Variants in B3GALT5 observed in about 807,000 individuals in gnomAD.
B3GALT5 encodes beta-1,3-galactosyltransferase 5.
For missense variants in B3GALT5, 328 were observed against 396.6 expected (o/e 0.83, Z 1.47); for synonymous variants, 156 against 158.6 (o/e 0.98, Z 0.12).
At position 39,650,553 on chromosome 21, in the gene B3GALT5, C is replaced by T. The variant is rs532688982; in HGVS notation, c.-161+3931C>T. 3.3e-5 allele frequency among the ~76,000 whole-genome samples: 5 copies of T among 152,272 alleles called. No individual in the cohort carries two copies. In the South Asian group the frequency reaches 1.0e-3, roughly 32 times the overall value. ...AAAGGCTGAGAAAGAAACCATTCCT[C>T]CCTGGGTGGGGACGCTTGAAATTCC... On this transcript the variant is annotated intron_variant, in intron 2 of 3. Coordinates refer to ENST00000684187, the MANE Select transcript of B3GALT5 (RefSeq NM_001356336.2).
At chr21:39,618,118 G>A (rs1439329707) in intron 1 of B3GALT5, among the ~76,000 whole-genome samples, 1 of 152,130 alleles carries the variant, frequency 6.6e-6, no homozygotes, top group Non-Finnish European at 1.5e-5. Flanking sequence ...TCAATCCAAT[G>A]CACTCTAGCA....
rs369520543 is a variant in B3GALT5 at position 39,671,386 on chromosome 21, T to G, written c.*9894T>G. 1 of 152,256 alleles carries G rather than the reference T, an allele frequency of 6.6e-6. No individual in the cohort carries two copies. Among genetic ancestry groups the G allele is most frequent in the African/African-American group, 2.4e-5 (1 of 41,462 alleles). 9.4% of individuals were successfully genotyped at this position (152,256 alleles called of 1,614,324 possible). A position where few individuals can be genotyped will look rare whatever the true frequency, so the allele number is the denominator to read the frequency against. On this transcript the variant is annotated 3_prime_UTR_variant, in exon 4 of 4. Transcript: ENST00000684187. ...GGCAGATTTTAAAGTTCTTCCAGCC[T>G]GATTCCTCTCTCTGTTTGGGTCTCT...
rs1010495260 is a variant in B3GALT5, at chr21:39,671,226, A to C, written c.*9734A>C. ...CACTGGGGATTAAGTTTCCTTACAC[A>C]TGCACTTTGGGGGACACATTCAAAC... On this transcript the variant is annotated 3_prime_UTR_variant, in exon 4 of 4. Coordinates refer to ENST00000684187, the MANE Select transcript of B3GALT5 (RefSeq NM_001356336.2). The C allele has an allele frequency of 6.6e-6, 1 of 152,196 alleles. No homozygotes were observed. Among genetic ancestry groups the C allele is most frequent in the Admixed American group, 6.5e-5 (1 of 15,278 alleles). The allele number at this position is 152,196 out of a possible 1,614,324, so 9.4% of individuals were successfully genotyped here.
chr21:39,616,142 G>A (rs1488327314), intron 1 of B3GALT5, among the ~76,000 whole-genome samples: 14 of 152,080 alleles, frequency 9.2e-5, no homozygotes, highest in Non-Finnish European at 1.0e-4. Flanking sequence ...GAGTCCAGAA[G>A]TTTGAGACCA....
At chr21:39,644,115 G>A (rs956151839) in intron 1 of B3GALT5, among the ~76,000 whole-genome samples, 4 of 152,124 alleles carry the variant, frequency 2.6e-5, no homozygotes, top group African/African-American at 9.7e-5. Context: ...TGTGAGAGGT[G>A]GGTAAATGGT....
chr21:39,672,168 C>G lies in B3GALT5; in HGVS notation c.*10676C>G, dbSNP rs2079634540. The stretch of plus-strand genomic sequence containing the variant: ...GTTGGCCAGTGTGGCGTGGACACAG[C>G]CAGGCGCAGACCCTCCTGCCAGCGA... On this transcript the variant is annotated 3_prime_UTR_variant, in exon 4 of 4. Coordinates refer to ENST00000684187, the MANE Select transcript of B3GALT5 (RefSeq NM_001356336.2). 1 of 152,206 alleles carries G rather than the reference C, an allele frequency of 6.6e-6. No homozygotes were observed. Among genetic ancestry groups the G allele is most frequent in the Non-Finnish European group, 1.5e-5 (1 of 68,046 alleles). 9.4% of individuals were successfully genotyped at this position (152,206 alleles called of 1,614,324 possible).
At chr21:39,623,139 C>G (rs1054320746) in intron 1 of B3GALT5, among the ~76,000 whole-genome samples, 9 of 142,740 alleles carry the variant, frequency 6.3e-5, no homozygotes, top group Admixed American at 1.4e-4. Flanking sequence ...TCCTTCCTCC[C>G]TCCCTTCCTC....
chr21:39,643,424 A>G (rs1304696433), intron 1 of B3GALT5, among the ~76,000 whole-genome samples: 1 of 151,956 alleles, frequency 6.6e-6, no homozygotes, highest in African/African-American at 2.4e-5. Context: ...GCTCAAAAAA[A>G]AAAAAAAAAG....
At chr21:39,651,646 C>T (rs1458027544) in intron 2 of B3GALT5, among the ~76,000 whole-genome samples, 1 of 152,172 alleles carries the variant, frequency 6.6e-6, no homozygotes, top group Admixed American at 6.5e-5. Context: ...TGGGAGGAGG[C>T]CCTCACCCAC....
At chr21:39,655,168 A>C (rs1043303598) in intron 2 of B3GALT5, among the ~76,000 whole-genome samples, 3 of 152,226 alleles carry the variant, frequency 2.0e-5, no homozygotes, top group Non-Finnish European at 4.4e-5. Flanking sequence ...GAGAGCCAAA[A>C]GCTGGCAAGC....
intron 2 of B3GALT5, among the ~76,000 whole-genome samples, chr21:39,647,063 C>T (rs893657447): frequency 2.6e-5 from 4 of 152,044 alleles, no homozygotes; most frequent in East Asian, 1.9e-4. Flanking sequence ...ATGGCGCCTC[C>T]GCACTCCAGC....
At chr21:39,619,967 G>A (rs1360955942) in intron 1 of B3GALT5, among the ~76,000 whole-genome samples, 2 of 151,830 alleles carry the variant, frequency 1.3e-5, no homozygotes, top group East Asian at 3.9e-4. Context: ...GCCACCATGT[G>A]TGGCCAATTT....
chr21:39,656,209 A>G (rs930307576), intron 2 of B3GALT5, among the ~76,000 whole-genome samples: 1 of 152,194 alleles, frequency 6.6e-6, no homozygotes, highest in African/African-American at 2.4e-5. Context: ...TTCAGACAGC[A>G]GGGACGTTGA....
At chr21:39,648,397 A>T (rs608229) in intron 2 of B3GALT5, among the ~76,000 whole-genome samples, 55,879 of 151,974 alleles carry the variant, frequency 0.37, 10,519 homozygotes, top group East Asian at 0.54. Context: ...CCCTCCTAGC[A>T]TGTGCACCTT....
chr21:39,643,487 G>A (rs1042991108), intron 1 of B3GALT5, among the ~76,000 whole-genome samples: 11 of 152,120 alleles, frequency 7.2e-5, no homozygotes, highest in African/African-American at 2.7e-4. Flanking sequence ...TCTCCTGGCA[G>A]CAACAGCTGC....
rs1359500746 is a variant in B3GALT5, at chr21:39,656,918, G to C, written c.-160-2835G>C. On this transcript the variant is annotated intron_variant, in intron 2 of 3. Transcript: ENST00000684187. ...ACCAGCTTGTGCACAGTTCTCTGGG[G>C]TTTCAGGAGGGATGTAAGACATACC... is the stretch of plus-strand genomic sequence containing the variant. 3.3e-5 allele frequency among the ~76,000 whole-genome samples: 5 copies of C among 152,206 alleles called. No individual in the cohort carries two copies. In the South Asian group the frequency reaches 1.0e-3, roughly 32 times the overall value.
At chr21:39,635,635 C>T (rs2079221962) in intron 1 of B3GALT5, among the ~76,000 whole-genome samples, 1 of 152,130 alleles carries the variant, frequency 6.6e-6, no homozygotes, top group African/African-American at 2.4e-5. Context: ...TGTGCCACCA[C>T]ACCCAGCTAA....
At chr21:39,618,117 T>C (rs911927586) in intron 1 of B3GALT5, among the ~76,000 whole-genome samples, 4 of 152,172 alleles carry the variant, frequency 2.6e-5, no homozygotes, top group African/African-American at 7.2e-5. Context: ...ATCAATCCAA[T>C]GCACTCTAGC....
At chr21:39,648,295 G>A (rs1026301962) in intron 2 of B3GALT5, among the ~76,000 whole-genome samples, 1 of 150,612 alleles carries the variant, frequency 6.6e-6, no homozygotes, top group Non-Finnish European at 1.5e-5. Context: ...TGCAAGTAAA[G>A]GTACTTAAGT....
Sources: gnomAD v4.1 joint callset for allele counts (sites outside exome capture counted in the v4.1 genomes callset) on GRCh38, gnomAD v4.1.1 for gene constraint, MANE v1.5 for transcripts, NCBI Gene and HGNC (gene_info 2026-07-23, HGNC 2026-07-21) for gene names.